The following ACACB variants were observed in gnomAD, a reference collection of about 807,000 sequenced individuals.
ACACB encodes acetyl-CoA carboxylase beta.
ACACB carries 209 observed loss-of-function variants against 278.8 expected under a neutral mutation model. The observed-to-expected ratio is 0.75, with a 90% CI of 0.67 to 0.84. The LOEUF is 0.84. Ranked by LOEUF, ACACB falls within the 40% of genes least tolerant of loss-of-function variation. ACACB has a pLI of 0.00. For missense variants in ACACB, 2,850 were observed against 3,269.0 expected (o/e 0.87, Z 3.13); for synonymous variants, 1,174 against 1,285.6 (o/e 0.91, Z 1.86).
chr12:109,200,780 A>G (rs931636374), intron 18 of ACACB, among the ~76,000 whole-genome samples: 4 of 152,208 alleles, frequency 2.6e-5, no homozygotes, highest in African/African-American at 9.6e-5. Context: ...ATAGCAATGA[A>G]AATACATCAA....
rs2043895012 is a variant in ACACB at position 109,166,409 on chromosome 12, TG to T, written c.654-449del. Among the ~76,000 whole-genome samples the T allele has an allele frequency of 2.0e-5, 3 of 151,990 alleles. No homozygotes were observed. In the South Asian group the frequency reaches 6.2e-4, roughly 32 times the overall value. ...GCTGGCCTCTTAAGGTGCTTTCAGTTGGGTACAGTGGTTCACGCCTGTAATC... is the reference window on the plus strand; with the variant it reads ...GCTGGCCTCTTAAGGTGCTTTCAGTTGGTACAGTGGTTCACGCCTGTAATC... On this transcript the variant is annotated intron_variant, in intron 2 of 52. Transcript: ENST00000338432.
In ACACB at chr12:109,241,114, G is replaced by A. The variant is rs780244896; in HGVS notation, c.4855G>A (p.Gly1619Ser). The change falls in exon 36 of 53, where the codon GGC becomes AGC. Residue 1619 changes from glycine (G) to serine (S), a missense_variant. By Grantham distance (56) the Gly-to-Ser change is moderately conservative. This residue lies in a region of ACACB where 2,265 missense variants were observed against 2,561.3 expected (regional missense o/e 0.88). Coordinates refer to ENST00000338432, the MANE Select transcript of ACACB (RefSeq NM_001093.4). ...CGTGCGCTACATGGTTATGCGCTACGGCAGCCGGCTGTGGAAACTCCGTGT... is the reference window on the plus strand; with the variant it reads ...CGTGCGCTACATGGTTATGCGCTACAGCAGCCGGCTGTGGAAACTCCGTGT... The part of the protein sequence containing the change: ...ESVRYMVMRY[G>S]SRLWKLRVLQ... The A allele has an allele frequency of 2.3e-5, 37 of 1,613,992 alleles. No individual in the cohort carries two copies. The highest frequency in any genetic ancestry group is 3.1e-5 in the Non-Finnish European group (36 of 1,180,038).
intron 39 of ACACB, among the ~76,000 whole-genome samples, 165 bp from the exon 40 acceptor site, chr12:109,247,441 G>T (rs1007608529): frequency 6.6e-6 from 1 of 151,990 alleles, no homozygotes; most frequent in Admixed American, 6.6e-5. Context: ...TTCAGTTTAT[G>T]GCTGTTATTA....
At chr12:109,174,856 C>G (rs10774608) in intron 7 of ACACB, among the ~76,000 whole-genome samples, 1 of 151,926 alleles carries the variant, frequency 6.6e-6, no homozygotes, top group Admixed American at 6.6e-5. Flanking sequence ...GGTGATGAGA[C>G]CCTGTCTTTA....
At chr12:109,232,114 T>C (rs1351634902) in intron 28 of ACACB, among the ~76,000 whole-genome samples, 1 of 152,212 alleles carries the variant, frequency 6.6e-6, no homozygotes, top group African/African-American at 2.4e-5. Flanking sequence ...ACCCCTCCCG[T>C]ATCTGATTCC....
intron 33 of ACACB, chr12:109,235,976 G>T: frequency 4.3e-6 from 1 of 234,850 alleles, no homozygotes. Flanking sequence ...TCTAGCCTGG[G>T]TGACAGAGTG....
intron 2 of ACACB, among the ~76,000 whole-genome samples, chr12:109,164,380 A>G (rs1225045255): frequency 6.6e-6 from 1 of 151,882 alleles, no homozygotes; most frequent in Non-Finnish European, 1.5e-5. Context: ...TTACAGGTGC[A>G]CAACTCTGTG....
intron 38 of ACACB, 118 bp from the exon 39 acceptor site, chr12:109,246,061 G>A: frequency 8.1e-7 from 1 of 1,229,430 alleles, no homozygotes; most frequent in Non-Finnish European, 1.1e-6. Context: ...CTGCACTCTG[G>A]CCTGCGCAAC....
chr12:109,265,413 G>A lies in ACACB; in HGVS notation c.7138G>A (p.Val2380Met), dbSNP rs148106171. Residue 2380 changes from valine (V) to methionine (M), a missense_variant, in exon 52 of 53, where the codon GTG becomes ATG. Transcript: ENST00000338432. Reference protein sequence around the residue: ...VKAYLWDNNQVVVQWLEQHWQ... With the variant: ...VKAYLWDNNQMVVQWLEQHWQ... ...GGCCTACTTGTGGGACAACAACCAG[G>A]TGGTTGTGCAGTGGCTGGAACAGCA... 5.0e-6 allele frequency: 8 copies of A among 1,613,714 alleles called. No individual in the cohort carries two copies. The African/African-American group carries it at 9.4e-5, about 19-fold the overall frequency.
At chr12:109,179,043 G>A (rs749631144) in intron 9 of ACACB, 45 bp from the exon 10 acceptor site, 1 of 1,575,824 alleles carries the variant, frequency 6.3e-7, no homozygotes, top group Admixed American at 1.8e-5. Context: ...AGCTTCCAGA[G>A]CTGGTTTCCC....
chr12:109,216,876 C>T lies in ACACB; in HGVS notation c.3520C>T (p.His1174Tyr). 1 of 1,614,038 alleles carries T rather than the reference C, an allele frequency of 6.2e-7. No homozygotes were observed. The highest frequency in any genetic ancestry group is 8.5e-7 in the Non-Finnish European group (1 of 1,180,024). ...CCAGGTGCTGGACTGCATCTTCTCCCACGCACAGGTGGCCAAGAAGAACCA... is the reference window on the plus strand; with the variant it reads ...CCAGGTGCTGGACTGCATCTTCTCCTACGCACAGGTGGCCAAGAAGAACCA... ...MSQVLDCIFS[H>Y]AQVAKKNQLV... The change falls in exon 24 of 53, where the codon CAC (histidine) becomes TAC (tyrosine). Residue 1174 changes from histidine (H) to tyrosine (Y), a missense_variant. Coordinates refer to ENST00000338432, the MANE Select transcript of ACACB (RefSeq NM_001093.4).
At chr12:109,128,329 T>A (rs927142526) in intron 1 of ACACB, among the ~76,000 whole-genome samples, 17 of 152,072 alleles carry the variant, frequency 1.1e-4, no homozygotes, top group African/African-American at 3.1e-4. Flanking sequence ...TTTTGGACTT[T>A]TTTTATTTTA....
At chr12:109,179,830 C>A (rs949735477) in intron 10 of ACACB, 87 bp from the exon 11 acceptor site, 2 of 1,440,266 alleles carry the variant, frequency 1.4e-6, no homozygotes, top group Non-Finnish European at 1.9e-6. Context: ...GCTCAGTCTG[C>A]ATTTGGTGAA....
At chr12:109,143,748 G>A (rs1455885673) in intron 2 of ACACB, among the ~76,000 whole-genome samples, 1 of 152,172 alleles carries the variant, frequency 6.6e-6, no homozygotes, top group East Asian at 1.9e-4. Flanking sequence ...GAACTGTAGT[G>A]AGAATCCCAC....
chr12:109,169,373 C>G (rs1593455122), intron 4 of ACACB, among the ~76,000 whole-genome samples: 1 of 152,258 alleles, frequency 6.6e-6, no homozygotes, highest in South Asian at 2.1e-4. Context: ...GTGAATTTAT[C>G]ACTTGTCCAG....
At position 109,185,753 on chromosome 12, in the gene ACACB, G is replaced by T; in HGVS notation, c.1980+13G>T. On this transcript the variant is annotated intron_variant, in intron 12 of 52. Coordinates refer to ENST00000338432, the MANE Select transcript of ACACB (RefSeq NM_001093.4). ...AAACCCAGACGAGGCAAGTTATGGG[G>T]GCCCCTGTGTTTCCACCATCTCAGA... The T allele has an allele frequency of 6.2e-7, 1 of 1,601,292 alleles. No individual in the cohort carries two copies. Among genetic ancestry groups the T allele is most frequent in the Non-Finnish European group, 8.5e-7 (1 of 1,172,098 alleles).
chr12:109,265,658 C>T, intron 52 of ACACB, 133 bp downstream of exon 52: 1 of 1,122,272 alleles, frequency 8.9e-7, no homozygotes, highest in South Asian at 1.5e-5. Flanking sequence ...CCCGCCCCCT[C>T]CCCGCTCCCC....
intron 2 of ACACB, chr12:109,154,954 C>CA (rs1253901768): frequency 2.0e-5 from 3 of 152,712 alleles, no homozygotes; most frequent in Non-Finnish European, 4.4e-5. Context: ...AGTAAGCCTG[C>CA]AATTGTAATG....
chr12:109,189,770 G>T (rs923567476), intron 13 of ACACB, among the ~76,000 whole-genome samples: 1 of 152,088 alleles, frequency 6.6e-6, no homozygotes, highest in Non-Finnish European at 1.5e-5. Flanking sequence ...GGTCATCAGT[G>T]TCCTTCCCCG....
Sources: gnomAD v4.1 joint callset for allele counts (sites outside exome capture counted in the v4.1 genomes callset) on GRCh38, gnomAD v4.1.1 for gene constraint, gnomAD v4.1.1 regional missense constraint, MANE v1.5 for transcripts, NCBI Gene and HGNC (gene_info 2026-07-23, HGNC 2026-07-21) for gene names.